The following TOPAZ1 variants were observed in gnomAD, a reference collection of about 807,000 sequenced individuals.
The protein encoded by TOPAZ1 is testis and ovary specific TOPAZ 1.
TOPAZ1 carries 66 observed loss-of-function variants against 172.2 expected under a neutral mutation model. The ratio of observed to expected loss-of-function variants is 0.38; its 90% CI spans 0.31 to 0.47. The LOEUF (loss-of-function observed/expected upper bound fraction) is 0.47. Among genes scored for constraint, TOPAZ1 ranks in the 20% least tolerant of loss-of-function variants. The pLI is 0.99. For missense variants in TOPAZ1, 1,822 were observed against 1,972.4 expected, an observed-to-expected ratio of 0.92 and a Z score of 1.44; for synonymous variants, 681 against 683.9, an observed-to-expected ratio of 1.00 and a Z score of 0.07.
chr3:44,319,189 T>C (rs1409559976), intron 16 of TOPAZ1, among the ~76,000 whole-genome samples: 1 of 152,146 alleles, frequency 6.6e-6, no homozygotes, highest in African/African-American at 2.4e-5. Flanking sequence ...TCACAGACCG[T>C]TGGTTGATTG....
At chr3:44,309,482 A>G (rs965199410) in intron 15 of TOPAZ1, among the ~76,000 whole-genome samples, 3 of 152,256 alleles carry the variant, frequency 2.0e-5, no homozygotes, top group Non-Finnish European at 4.4e-5. Context: ...ACATATAATC[A>G]GTAGTTTTCT....
intron 16 of TOPAZ1, among the ~76,000 whole-genome samples, chr3:44,310,423 C>T (rs937853375): frequency 4.6e-5 from 7 of 151,972 alleles, no homozygotes; most frequent in African/African-American, 7.2e-5. Context: ...CGCTTGAACC[C>T]GGGAGGCGGA....
chr3:44,287,856 T>A lies in TOPAZ1; in HGVS notation c.3681+17T>A. On this transcript the variant is annotated intron_variant, in intron 11 of 19. Coordinates refer to ENST00000309765, the MANE Select transcript of TOPAZ1 (RefSeq NM_001145030.2). ...TTTTGCAAGGTATGGTTTTATTTTC[T>A]CTTTTATTCTCTGATGGCGAGTAAC... 4.1e-6 allele frequency: 5 copies of A among 1,211,720 alleles called. No homozygotes were observed. Among genetic ancestry groups the A allele is most frequent in the Non-Finnish European group, 4.6e-6 (4 of 861,678 alleles). The allele number at this position is 1,211,720 out of a possible 1,614,324, so 75.1% of individuals were successfully genotyped here.
chr3:44,306,194 C>T, intron 14 of TOPAZ1, 132 bp from the exon 15 acceptor site: 2 of 554,920 alleles, frequency 3.6e-6, no homozygotes, highest in South Asian at 5.2e-5. Context: ...GGCTCCTAGG[C>T]TATACAAAAA....
At chr3:44,326,031 A>T (rs1410679521) in intron 18 of TOPAZ1, among the ~76,000 whole-genome samples, 1 of 152,226 alleles carries the variant, frequency 6.6e-6, no homozygotes, top group Non-Finnish European at 1.5e-5. Flanking sequence ...TTGCTAAACA[A>T]TATTCTATAA....
intron 9 of TOPAZ1, among the ~76,000 whole-genome samples, chr3:44,284,831 G>A (rs925326096): frequency 3.9e-5 from 6 of 152,098 alleles, no homozygotes; most frequent in African/African-American, 1.4e-4. Context: ...TTTTTAGAAA[G>A]ATGACAATTT....
chr3:44,242,394 G>C lies in TOPAZ1; in HGVS notation c.341G>C (p.Arg114Thr). ...GCTGAACTCCCCTTGCAAACGGAAA[G>C]ACACAGTAAGAAAGCATCCACGATC... ...KEAELPLQTE[R>T]HTKEKRKVTE... The change falls in exon 1 of 20, where the codon AGA becomes ACA. Residue 114 changes from arginine to threonine, a missense_variant. By Grantham distance (71) the Arg-to-Thr change is moderately conservative. This residue lies in a region of TOPAZ1 where 1,489 missense variants were observed against 1,490.8 expected (regional missense o/e 1.00). Coordinates refer to ENST00000309765, the MANE Select transcript of TOPAZ1 (RefSeq NM_001145030.2). The C allele has an allele frequency of 1.9e-6, 3 of 1,552,324 alleles. 1 individual carries two copies. The South Asian group carries it at 3.6e-5, about 18-fold the overall frequency.
intron 12 of TOPAZ1, among the ~76,000 whole-genome samples, chr3:44,301,900 A>G (rs1482523934): frequency 6.6e-6 from 1 of 152,018 alleles, no homozygotes; most frequent in East Asian, 1.9e-4. Flanking sequence ...GTTTTGAGTC[A>G]AGGTTATGTT....
At chr3:44,270,473 A>T (rs1055655033) in intron 7 of TOPAZ1, among the ~76,000 whole-genome samples, 1 of 152,238 alleles carries the variant, frequency 6.6e-6, no homozygotes, top group Non-Finnish European at 1.5e-5. Flanking sequence ...TAAATTTTTT[A>T]AAATCCAGAC....
intron 16 of TOPAZ1, among the ~76,000 whole-genome samples, chr3:44,313,632 A>T (rs557443583): frequency 6.6e-6 from 1 of 151,856 alleles, no homozygotes; most frequent in Non-Finnish European, 1.5e-5. Flanking sequence ...AAAAAAAAAA[A>T]AAGCCCCCCA....
intron 5 of TOPAZ1, among the ~76,000 whole-genome samples, chr3:44,264,646 T>A (rs1308508939): frequency 1.3e-5 from 2 of 152,218 alleles, no homozygotes; most frequent in Non-Finnish European, 2.9e-5. Flanking sequence ...CACAAAAGAT[T>A]TCTCTGTAGC....
intron 2 of TOPAZ1, among the ~76,000 whole-genome samples, chr3:44,252,610 T>C (rs1699647237): frequency 1.3e-5 from 2 of 152,246 alleles, no homozygotes; most frequent in Non-Finnish European, 2.9e-5. Flanking sequence ...GTTTCTACAA[T>C]GCACCATGTA....
intron 11 of TOPAZ1, among the ~76,000 whole-genome samples, chr3:44,289,731 CAGG>C (rs1473653506): frequency 2.5e-4 from 38 of 152,262 alleles, no homozygotes; most frequent in African/African-American, 9.1e-4. Context: ...TACCTTGAAA[CAGG>C]TAGCTTCTCC....
intron 19 of TOPAZ1, 138 bp from the exon 20 acceptor site, chr3:44,331,654 A>G (rs1279452326): frequency 2.8e-5 from 21 of 747,140 alleles, no homozygotes; most frequent in Non-Finnish European, 3.9e-5. Context: ...TGATCAAAAA[A>G]GTTTGAAAGC....
downstream of TOPAZ1, among the ~76,000 whole-genome samples, chr3:44,333,993 T>G (rs1004649196): frequency 6.6e-6 from 1 of 152,146 alleles, no homozygotes; most frequent in Non-Finnish European, 1.5e-5. Flanking sequence ...GATAAATGAT[T>G]ATATTTGTAG....
Position 44,241,942 on chromosome 3 carries a change from T to C in TOPAZ1, c.-112T>C. On this transcript the variant is annotated 5_prime_UTR_variant, in exon 1 of 20. Transcript: ENST00000309765. Reference sequence around the variant, plus strand: ...GGCCCCGGGCTGTGGTGACTGGCGGTGTGGGGTGGGTCAGAGGGCAGTAGG... The same window carrying C: ...GGCCCCGGGCTGTGGTGACTGGCGGCGTGGGGTGGGTCAGAGGGCAGTAGG... The C allele has an allele frequency of 1.0e-6, 1 of 976,662 alleles. No homozygotes were observed. The highest frequency in any genetic ancestry group is 1.5e-6 in the Non-Finnish European group (1 of 675,142). 60.5% of individuals were successfully genotyped at this position (976,662 alleles called of 1,614,324 possible).
In TOPAZ1 at chr3:44,245,187, A is replaced by G. The variant is rs1699548758; in HGVS notation, c.2681A>G (p.Glu894Gly). ...TCTGAGGTCCCAAAGATAAGCCAGG[A>G]GCCCAATGTTGCTGGAGAGCACCAA... ...FTSEVPKISQ[E>G]PNVAGEHQST... The change falls in exon 2 of 20, where the codon GAG becomes GGG. Residue 894 changes from glutamate to glycine, a missense_variant. By Grantham distance (98) the Glu-to-Gly change is moderately conservative. Coordinates refer to ENST00000309765, the MANE Select transcript of TOPAZ1 (RefSeq NM_001145030.2). 2.6e-6 allele frequency: 4 copies of G among 1,551,852 alleles called. No individual in the cohort carries two copies. The highest frequency in any genetic ancestry group is 2.6e-6 in the Non-Finnish European group (3 of 1,147,026).
intron 12 of TOPAZ1, 48 bp downstream of exon 12, chr3:44,290,934 G>A: frequency 8.8e-6 from 11 of 1,248,020 alleles, no homozygotes; most frequent in Non-Finnish European, 1.2e-5. Flanking sequence ...TGTCTTGGTG[G>A]GGACTTATAA....
chr3:44,249,903 C>T (rs961884252), intron 2 of TOPAZ1, among the ~76,000 whole-genome samples: 3 of 152,138 alleles, frequency 2.0e-5, no homozygotes, highest in African/African-American at 7.2e-5. Context: ...AATTTGAATT[C>T]AGTATGGAAT....
Sources: allele counts gnomAD v4.1 joint callset (sites outside exome capture counted in the v4.1 genomes callset), GRCh38; gene constraint gnomAD v4.1.1; regional missense constraint gnomAD v4.1.1; transcripts MANE v1.5; gene names NCBI Gene and HGNC (gene_info 2026-07-23, HGNC 2026-07-21).